C15orf40: variants seen among roughly 807,000 people sequenced by gnomAD.
C15orf40 encodes chromosome 15 open reading frame 40.
C15orf40 carries 9 observed loss-of-function variants against 13.9 expected under a neutral mutation model. The observed-to-expected ratio is 0.65, with a 90% confidence interval of 0.39 to 1.13. C15orf40 has a LOEUF of 1.13. C15orf40 is among the 50% of genes most tolerant of loss of function. The pLI, the probability that C15orf40 is intolerant of heterozygous loss-of-function variation, is 0.01. For synonymous variants in C15orf40, 95 were observed against 69.2 expected (o/e 1.37, Z -1.85); for missense variants, 225 against 188.5 (o/e 1.19, Z -1.13).
chr15:82,991,768 G>A (rs1216599321), downstream of C15orf40, among the ~76,000 whole-genome samples: 2 of 152,142 alleles, frequency 1.3e-5, no homozygotes, highest in African/African-American at 4.8e-5. Context: ...AATTTTAATA[G>A]TAAGGGTTTT....
At chr15:82,991,629 C>T (rs150858175), downstream of C15orf40, among the ~76,000 whole-genome samples, 1 of 152,292 alleles carries the variant, frequency 6.6e-6, no homozygotes, top group Non-Finnish European at 1.5e-5. Context: ...AGGTTGACTT[C>T]TCCAGGTACT....
downstream of C15orf40, chr15:82,989,003 T>C: frequency 6.3e-7 from 1 of 1,586,336 alleles, no homozygotes; most frequent in Non-Finnish European, 8.6e-7. Context: ...TCTTTAAAAT[T>C]GTACAGATTT....
intron 3 of C15orf40, 64 bp downstream of exon 3, chr15:83,008,484 A>C (rs2031817050): frequency 6.4e-7 from 1 of 1,556,462 alleles, no homozygotes; most frequent in Non-Finnish European, 8.8e-7. Flanking sequence ...ACGCCACTGC[A>C]CTCCAGCTTG....
rs2031212012 is a variant in C15orf40, at chr15:82,998,137, C to A, written c.*7460G>T. 7.5e-6 allele frequency: 1 copy of A among 132,632 alleles called. No individual in the cohort carries two copies. The highest frequency in any genetic ancestry group is 1.7e-5 in the Non-Finnish European group (1 of 60,114). The allele number at this position is 132,632 out of a possible 1,614,324, so 8.2% of individuals were successfully genotyped here. A position where few individuals can be genotyped will look rare whatever the true frequency, so the allele number is the denominator to read the frequency against. ...GGCGGCCGGGCAGAGGCGCCCCTCA[C>A]CTCCCGGACGGGGCGGCTGGCCGGG... On this transcript the variant is annotated 3_prime_UTR_variant, in exon 4 of 4. Coordinates refer to ENST00000304177, the MANE Select transcript of C15orf40 (RefSeq NM_144597.3).
Position 83,010,358 on chromosome 15 carries a change from T to C in C15orf40, c.117A>G (p.Lys39=). 1.9e-6 allele frequency: 3 copies of C among 1,614,128 alleles called. No homozygotes were observed. Among genetic ancestry groups the C allele is most frequent in the Non-Finnish European group, 2.5e-6 (3 of 1,180,004 alleles). The change falls in exon 2 of 4, where the codon AAA becomes AAG. Residue 39 remains lysine, a synonymous_variant. Coordinates refer to ENST00000304177, the MANE Select transcript of C15orf40 (RefSeq NM_144597.3). ...PKKAGATTKG[K]SQSKEPERPL... is the part of the protein sequence containing the mutation. ...GTCTCTCTGGTTCCTTGCTCTGGCT[T>C]TTACCCTAAAATGACAACCACACAA... is the stretch of plus-strand genomic sequence containing the variant.
chr15:83,005,106 T>C lies in C15orf40; in HGVS notation c.*491A>G, dbSNP rs1014845942. On this transcript the variant is annotated 3_prime_UTR_variant, in exon 4 of 4. Coordinates refer to ENST00000304177, the MANE Select transcript of C15orf40 (RefSeq NM_144597.3). ...AACATGTTCCAGGCTGTTTGGGGTT[T>C]GGGATTTTAGAACCTGATGCAATGT... 28 of 1,137,674 alleles carry C rather than the reference T, an allele frequency of 2.5e-5. No individual in the cohort carries two copies. The highest frequency in any genetic ancestry group is 4.9e-5 in the African/African-American group (3 of 61,392). 70.5% of individuals were successfully genotyped at this position (1,137,674 alleles called of 1,614,324 possible). A position where few individuals can be genotyped will look rare whatever the true frequency, so the allele number is the denominator to read the frequency against.
rs565761174 is a variant in C15orf40, at chr15:82,997,825, C to T, written c.*7772G>A. The T allele has an allele frequency of 8.4e-6, 1 of 119,304 alleles. No homozygotes were observed. The highest frequency in any genetic ancestry group is 3.8e-5 in the African/African-American group (1 of 26,222). The allele number at this position is 119,304 out of a possible 1,614,324, so 7.4% of individuals were successfully genotyped here. On this transcript the variant is annotated 3_prime_UTR_variant, in exon 4 of 4. Coordinates refer to ENST00000304177, the MANE Select transcript of C15orf40 (RefSeq NM_144597.3). The stretch of plus-strand genomic sequence containing the variant: ...CTCCCAGACGGGGCGGCTGGCAGGG[C>T]AGGGGGGCTGACCCCCCCCCACCTC...
chr15:83,011,450 G>A, intron 1 of C15orf40, 47 bp downstream of exon 1: 1 of 1,547,184 alleles, frequency 6.5e-7, no homozygotes. Flanking sequence ...TCTTCAACAA[G>A]TACCCCTGAG....
intron 1 of C15orf40, chr15:83,011,038 G>A (rs1286341052): frequency 6.3e-6 from 1 of 158,664 alleles, no homozygotes; most frequent in East Asian, 1.9e-4. Context: ...TGCTTGAGCT[G>A]AGTCTGAGAA....
In C15orf40 at chr15:82,994,838, T is replaced by G. The variant is rs1243282232; in HGVS notation, c.*10759A>C. On this transcript the variant is annotated 3_prime_UTR_variant, in exon 4 of 4. Transcript: ENST00000304177. ...GTACTCAAAGAATCTTCGTTCTGTT[T>G]ATTTATGAACACAGAAAGATATGCT... 6.7e-6 allele frequency: 1 copy of G among 148,958 alleles called. No individual in the cohort carries two copies. Among genetic ancestry groups the G allele is most frequent in the African/African-American group, 2.4e-5 (1 of 41,214 alleles). The allele number at this position is 148,958 out of a possible 1,614,324, so 9.2% of individuals were successfully genotyped here.
chr15:83,008,719 T>G (rs554919886), intron 2 of C15orf40, 44 bp from the exon 3 acceptor site: 1 of 1,536,672 alleles, frequency 6.5e-7, no homozygotes, highest in South Asian at 1.2e-5. Flanking sequence ...GGAGTTCTTT[T>G]TCTTCATGAA....
At position 83,001,500 on chromosome 15, in the gene C15orf40, C is replaced by T. The variant is rs1243545576; in HGVS notation, c.*4097G>A. 3 of 167,050 alleles carry T rather than the reference C, an allele frequency of 1.8e-5. No individual in the cohort carries two copies. The highest frequency in any genetic ancestry group is 7.2e-5 in the African/African-American group (3 of 41,744). 10.3% of individuals were successfully genotyped at this position (167,050 alleles called of 1,614,324 possible). Reference sequence around the variant, plus strand: ...CCAGGATTCTCAGGACAGCACAGGACAAGAAAGACAGTGTAATCAAGTCAC... The same window carrying T: ...CCAGGATTCTCAGGACAGCACAGGATAAGAAAGACAGTGTAATCAAGTCAC... On this transcript the variant is annotated 3_prime_UTR_variant, in exon 4 of 4. Transcript: ENST00000304177.
chr15:82,992,198 T>C (rs780167413), downstream of C15orf40, among the ~76,000 whole-genome samples: 1 of 152,128 alleles, frequency 6.6e-6, no homozygotes, highest in Non-Finnish European at 1.5e-5. Flanking sequence ...CAGTTTGGGC[T>C]AGATAGATGC....
At chr15:83,011,334 G>T in intron 1 of C15orf40, 163 bp downstream of exon 1, 1 of 727,874 alleles carries the variant, frequency 1.4e-6, no homozygotes, top group Non-Finnish European at 2.0e-6. Flanking sequence ...GACGGCAGCA[G>T]GCCGCAGCTC....
downstream of C15orf40, chr15:82,990,439 G>A (rs1383975553): frequency 8.0e-6 from 4 of 499,592 alleles, no homozygotes; most frequent in Non-Finnish European, 1.4e-5. Context: ...AGATGTGCTC[G>A]TTTCTAAAAT....
rs762553662 is a variant in C15orf40 at position 83,005,671 on chromosome 15, C to T, written c.388G>A (p.Val130Met). The change falls in exon 4 of 4, where the codon GTG (valine) becomes ATG (methionine). Residue 130 changes from valine to methionine, a missense_variant. Val to Met is a conservative substitution (Grantham distance 21, BLOSUM62 1). Coordinates refer to ENST00000304177, the MANE Select transcript of C15orf40 (RefSeq NM_144597.3). The stretch of plus-strand genomic sequence containing the variant: ...GTTGTAGAAGCCAAAAGCTTCACCA[C>T]CTTTTCACGAGATTTACCACCCTGG... ...LDKGGKSREK[V>M]VKLLASTTPE... 4 of 1,612,550 alleles carry T rather than the reference C, an allele frequency of 2.5e-6. No individual in the cohort carries two copies. Among genetic ancestry groups the T allele is most frequent in the Non-Finnish European group, 3.4e-6 (4 of 1,179,312 alleles).
At position 82,997,220 on chromosome 15, in the gene C15orf40, ATT is replaced by A. The variant is rs11388099; in HGVS notation, c.*8375_*8376del. 2.1e-4 allele frequency: 31 copies of A among 145,580 alleles called. No homozygotes were observed. The highest frequency in any genetic ancestry group is 7.9e-4 in the African/African-American group (31 of 39,310). 9.0% of individuals were successfully genotyped at this position (145,580 alleles called of 1,614,324 possible). A position where few individuals can be genotyped will look rare whatever the true frequency, so the allele number is the denominator to read the frequency against. ...TTTTCATTTTTATTTATTTATTTTT[ATT>A]TTTTTTTAATTTATTTTTTTATTGA... On this transcript the variant is annotated 3_prime_UTR_variant, in exon 4 of 4. Coordinates refer to ENST00000304177, the MANE Select transcript of C15orf40 (RefSeq NM_144597.3).
chr15:82,993,110 C>T (rs560097457), downstream of C15orf40, among the ~76,000 whole-genome samples: 16 of 152,164 alleles, frequency 1.1e-4, no homozygotes, highest in African/African-American at 3.9e-4. Flanking sequence ...CATATGTGAC[C>T]GTGAGAAAAT....
Position 83,005,275 on chromosome 15 carries a change from T to A in C15orf40, c.*322A>T, listed in dbSNP as rs1310700461. 2 of 1,007,588 alleles carry A rather than the reference T, an allele frequency of 2.0e-6. No homozygotes were observed. Among genetic ancestry groups the A allele is most frequent in the Non-Finnish European group, 2.4e-6 (2 of 839,414 alleles). 62.4% of individuals were successfully genotyped at this position (1,007,588 alleles called of 1,614,324 possible). Reference sequence around the variant, plus strand: ...TAGCAATAAAAAAGTTTCTCAAGGATGTATTTTTTATTTCTTTTTTTTCGG... The same window carrying A: ...TAGCAATAAAAAAGTTTCTCAAGGAAGTATTTTTTATTTCTTTTTTTTCGG... On this transcript the variant is annotated 3_prime_UTR_variant, in exon 4 of 4. Coordinates refer to ENST00000304177, the MANE Select transcript of C15orf40 (RefSeq NM_144597.3).
Sources: gnomAD v4.1 joint callset for allele counts (sites outside exome capture counted in the v4.1 genomes callset) on GRCh38, gnomAD v4.1.1 for gene constraint, MANE v1.5 for transcripts, NCBI Gene and HGNC (gene_info 2026-07-23, HGNC 2026-07-21) for gene names.